NUP58: variants seen among roughly 807,000 people sequenced by gnomAD.
The protein encoded by NUP58 is nucleoporin p58/p45.
Under a neutral mutation model 70.1 loss-of-function variants are expected in NUP58, and 17 were observed. The observed-to-expected ratio is 0.24, with a 90% CI of 0.17 to 0.36. NUP58 has a LOEUF of 0.36. Among genes scored for constraint, NUP58 ranks in the 10% least tolerant of loss-of-function variants. NUP58 has a pLI of 1.00. For missense variants in NUP58, 644 were observed against 701.5 expected, an observed-to-expected ratio of 0.92 and a Z score of 0.93; for synonymous variants, 275 against 257.6, an observed-to-expected ratio of 1.07 and a Z score of -0.65.
chr13:25,335,655 A>G (rs2031754531), intron 13 of NUP58: 3 of 985,178 alleles, frequency 3.0e-6, no homozygotes, highest in Non-Finnish European at 3.6e-6. Flanking sequence ...GTTAGAAGCT[A>G]TTCGAAAAGT....
At chr13:25,318,099 G>T (rs755336235) in intron 6 of NUP58, among the ~76,000 whole-genome samples, 1 of 152,164 alleles carries the variant, frequency 6.6e-6, no homozygotes, top group South Asian at 2.1e-4. Flanking sequence ...GGAGGCCGGG[G>T]CAGGTGGGTC....
intron 6 of NUP58, 100 bp from the exon 7 acceptor site, chr13:25,319,223 CAGT>C (rs2031073874): frequency 1.5e-6 from 1 of 681,490 alleles, no homozygotes. Flanking sequence ...AAATGCTTAA[CAGT>C]TTATATTTAT....
intron 12 of NUP58, among the ~76,000 whole-genome samples, chr13:25,330,361 AT>A: frequency 6.6e-6 from 1 of 152,260 alleles, no homozygotes; most frequent in South Asian, 2.1e-4. Context: ...TACATCATAA[AT>A]GTAGCAAAGT....
intron 9 of NUP58, among the ~76,000 whole-genome samples, chr13:25,323,470 T>C (rs575907954): frequency 3.9e-5 from 6 of 152,218 alleles, no homozygotes; most frequent in Non-Finnish European, 8.8e-5. Flanking sequence ...AGAAATTTGA[T>C]CTAAGATTAC....
rs78530869 is a variant in NUP58 at position 25,309,082 on chromosome 13, A to G, written c.251-165A>G. 6.4e-3 allele frequency among the ~76,000 whole-genome samples: 980 copies of G among 152,314 alleles called. 13 individuals carry two copies. Among genetic ancestry groups the G allele is most frequent in the African/African-American group, 0.022 (913 of 41,570 alleles). On this transcript the variant is annotated intron_variant, in intron 2 of 15. Transcript: ENST00000381736. Reference sequence around the variant, plus strand: ...GGCTTGTAATATGAAAACCAGTGCTATGGGAAAAATGCGTGATTAGTGGCA... The same window carrying G: ...GGCTTGTAATATGAAAACCAGTGCTGTGGGAAAAATGCGTGATTAGTGGCA...
chr13:25,325,096 T>C (rs1393581711), intron 10 of NUP58, 28 bp downstream of exon 10: 1 of 1,472,370 alleles, frequency 6.8e-7, no homozygotes, highest in South Asian at 1.2e-5. Flanking sequence ...TAAAAACAAA[T>C]GTTTCTCACT....
chr13:25,335,758 C>G, intron 13 of NUP58: 1 of 983,706 alleles, frequency 1.0e-6, no homozygotes, highest in Non-Finnish European at 1.2e-6. Flanking sequence ...ATATACAAAC[C>G]TCATTCTTCA....
intron 9 of NUP58, among the ~76,000 whole-genome samples, chr13:25,324,648 TA>T (rs956437741): frequency 3.6e-4 from 53 of 147,524 alleles, no homozygotes; most frequent in African/African-American, 3.5e-4. Context: ...ACCTGCCTTT[TA>T]AAAAAAAAAA....
intron 1 of NUP58, 118 bp from the exon 2 acceptor site, chr13:25,307,688 T>C: frequency 2.2e-6 from 2 of 927,766 alleles, no homozygotes; most frequent in Non-Finnish European, 3.2e-6. Context: ...ATTAGATATG[T>C]TATGTGAATG....
At chr13:25,317,097 G>A (rs1446973979) in intron 6 of NUP58, among the ~76,000 whole-genome samples, 1 of 152,102 alleles carries the variant, frequency 6.6e-6, no homozygotes, top group African/African-American at 2.4e-5. Context: ...GGGCCCTGCA[G>A]TACCAGTGTG....
chr13:25,333,142 T>G (rs1358685903), intron 13 of NUP58: 15 of 982,856 alleles, frequency 1.5e-5, no homozygotes, highest in Admixed American at 6.2e-5. Flanking sequence ...GTGTGTGTGT[T>G]TAACTTTCTT....
intron 1 of NUP58, among the ~76,000 whole-genome samples, chr13:25,304,004 G>T (rs773315934): frequency 2.6e-5 from 4 of 152,322 alleles, no homozygotes; most frequent in Middle Eastern, 3.4e-3. Flanking sequence ...ACAGCCCCTA[G>T]TGCCACCTAG....
intron 1 of NUP58, 149 bp downstream of exon 1, chr13:25,302,029 T>C (rs2030037877): frequency 3.3e-6 from 2 of 613,276 alleles, no homozygotes; most frequent in African/African-American, 3.7e-5. Flanking sequence ...CCCGGCGTCG[T>C]AGGCCTCTCG....
At chr13:25,321,750 C>T (rs966777137) in intron 9 of NUP58, among the ~76,000 whole-genome samples, 6 of 152,072 alleles carry the variant, frequency 3.9e-5, no homozygotes, top group Admixed American at 1.3e-4. Context: ...AATCCCGTCT[C>T]TACTAAAAAT....
At chr13:25,345,954 A>C (rs570944839), downstream of NUP58, among the ~76,000 whole-genome samples, 3 of 152,278 alleles carry the variant, frequency 2.0e-5, no homozygotes, top group Admixed American at 2.0e-4. Context: ...GGAAACAAAA[A>C]ACCTACCAGG....
At chr13:25,308,260 A>G (rs1290909618) in intron 2 of NUP58, 2 of 197,614 alleles carry the variant, frequency 1.0e-5, no homozygotes, top group Admixed American at 5.6e-5. Context: ...GAACATTAAC[A>G]TACGTGAGAT....
intron 13 of NUP58, chr13:25,332,759 T>C: frequency 2.0e-6 from 2 of 985,412 alleles, no homozygotes; most frequent in Non-Finnish European, 2.4e-6. Context: ...GTCTGGTAGC[T>C]CTCTAGCTGG....
chr13:25,310,171 C>A (rs1019284889), intron 3 of NUP58, among the ~76,000 whole-genome samples: 1 of 146,096 alleles, frequency 6.8e-6, no homozygotes, highest in African/African-American at 2.6e-5. Context: ...TCCCAAGTAG[C>A]TAGGACTACA....
chr13:25,309,381 A>G (rs2030541327), intron 3 of NUP58, 99 bp downstream of exon 3: 4 of 920,212 alleles, frequency 4.3e-6, no homozygotes, highest in Admixed American at 2.7e-5. Flanking sequence ...TATTTCACAG[A>G]GCTGGAGTAT....
Sources: allele counts gnomAD v4.1 joint callset (sites outside exome capture counted in the v4.1 genomes callset), GRCh38; gene constraint gnomAD v4.1.1; transcripts MANE v1.5; gene names NCBI Gene and HGNC (gene_info 2026-07-23, HGNC 2026-07-21).